SPIN3: variants seen among roughly 807,000 people sequenced by gnomAD.
SPIN3 encodes the protein spindlin-3.
For missense variants in SPIN3, 176 were observed against 196.4 expected, an observed-to-expected ratio of 0.90 and a Z score of 0.62; for synonymous variants, 74 against 74.3, an observed-to-expected ratio of 1.00 and a Z score of 0.02.
chrX:56,979,773 A>AT (rs910991949), intron 3 of SPIN3: 9 of 111,593 alleles, frequency 8.1e-5, no homozygotes, highest in African/African-American at 2.9e-4. Context: ...ATTAAAAAGG[A>AT]TTTTTTCCTG....
intron 2 of SPIN3, among the ~76,000 whole-genome samples, chrX:56,985,677 A>G (rs1924209490): frequency 8.9e-6 from 1 of 112,362 alleles, no homozygotes; most frequent in South Asian, 3.7e-4. Context: ...CCAACTTGTG[A>G]CAGGCTCCCC....
At chrX:56,975,215 G>A (rs1196657023), downstream of SPIN3, 1 of 112,230 alleles carries the variant, frequency 8.9e-6, no homozygotes, top group African/African-American at 3.2e-5. Flanking sequence ...CAAGGCGGTT[G>A]GGGTGCAGCT....
intron 3 of SPIN3, chrX:56,978,896 G>C (rs1173997912): frequency 9.0e-6 from 1 of 111,614 alleles, no homozygotes; most frequent in Non-Finnish European, 1.9e-5. Flanking sequence ...CTTGCAATAA[G>C]TTTGTCTCCC....
intron 3 of SPIN3, among the ~76,000 whole-genome samples, chrX:56,981,360 CAA>C (rs34960496): frequency 5.1e-5 from 2 of 39,202 alleles, no homozygotes. Flanking sequence ...GACTCCATCT[CAA>C]AAAAAAAAAA....
chrX:56,994,368 C>A lies in SPIN3; in HGVS notation c.580G>T (p.Asp194Tyr). The A allele has an allele frequency of 8.3e-7, 1 of 1,211,661 alleles. No homozygotes were observed. The highest frequency in any genetic ancestry group is 1.1e-6 in the Non-Finnish European group (1 of 895,479). ...GDLRILQDSN[D>Y]SPLAEREPGE... ...GGCTCCCTCTCTGCCAGAGGAGAAT[C>A]ATTGGAATCTTGAAGGATGCGGAGG... The change falls in exon 2 of 2, where the codon GAT (aspartate) becomes TAT (tyrosine). Residue 194 changes from aspartate to tyrosine, a missense_variant. Transcript: ENST00000374919.
At chrX:56,989,000 G>A (rs1458050109), downstream of SPIN3, among the ~76,000 whole-genome samples, 1 of 111,852 alleles carries the variant, frequency 8.9e-6, no homozygotes, top group East Asian at 2.8e-4. Flanking sequence ...GACCAAAGGA[G>A]TCACTCAACT....
downstream of SPIN3, among the ~76,000 whole-genome samples, chrX:56,989,672 G>T (rs1424191676): frequency 9.0e-6 from 1 of 111,348 alleles, no homozygotes; most frequent in Non-Finnish European, 1.9e-5. Flanking sequence ...CCTCCTGTCA[G>T]ATCAGCAGTG....
chrX:56,989,258 G>A (rs766041998), downstream of SPIN3, among the ~76,000 whole-genome samples: 2 of 111,084 alleles, frequency 1.8e-5, no homozygotes, highest in Non-Finnish European at 3.8e-5. Flanking sequence ...TGAACTTAAC[G>A]CTAAATGCAG....
Position 56,991,287 on chromosome X carries a change from C to T in SPIN3, c.*2884G>A, listed in dbSNP as rs1453030126. 8.9e-6 allele frequency: 1 copy of T among 111,733 alleles called. No individual in the cohort carries two copies. Among genetic ancestry groups the T allele is most frequent in the African/African-American group, 3.2e-5 (1 of 30,773 alleles). 9.2% of individuals were successfully genotyped at this position (111,733 alleles called of 1,213,427 possible). On this transcript the variant is annotated 3_prime_UTR_variant, in exon 2 of 2. Coordinates refer to ENST00000374919, the MANE Select transcript of SPIN3 (RefSeq NM_001010862.3). ...TAAGTCTAACGACTTTGGGATTCCC[C>T]CACCCCAAGGAGAGATAGTTGGGTC...
At chrX:56,987,377 G>C (rs1028081616), downstream of SPIN3, among the ~76,000 whole-genome samples, 1 of 109,271 alleles carries the variant, frequency 9.2e-6, no homozygotes, top group Non-Finnish European at 1.9e-5. Context: ...GCATGGGCTG[G>C]CTTCTTTAGT....
chrX:56,993,925 C>A lies in SPIN3; in HGVS notation c.*246G>T. ...ACCCAAGATAAAAAAAAGTATGAGC[C>A]AATGGATGTCAGACTTTACCCTTCT... On this transcript the variant is annotated 3_prime_UTR_variant, in exon 2 of 2. Transcript: ENST00000374919. The A allele has an allele frequency of 3.0e-6, 1 of 329,341 alleles. No homozygotes were observed. The highest frequency in any genetic ancestry group is 5.2e-6 in the Non-Finnish European group (1 of 191,570). The allele number at this position is 329,341 out of a possible 1,213,427, so 27.1% of individuals were successfully genotyped here.
At chrX:56,989,231 A>C (rs1033992502), downstream of SPIN3, among the ~76,000 whole-genome samples, 3 of 111,569 alleles carry the variant, frequency 2.7e-5, no homozygotes, top group Non-Finnish European at 5.6e-5. Context: ...AGATGGCTGC[A>C]TATCAACTAG....
downstream of SPIN3, among the ~76,000 whole-genome samples, chrX:56,988,191 A>G (rs758726609): frequency 2.7e-5 from 3 of 111,476 alleles, no homozygotes; most frequent in Non-Finnish European, 1.9e-5. Context: ...TTAGGCCAAG[A>G]TCAAGCATAA....
chrX:56,982,129 G>T (rs1417677197), intron 3 of SPIN3: 1 of 111,494 alleles, frequency 9.0e-6, no homozygotes, highest in Non-Finnish European at 1.9e-5. Flanking sequence ...GGGTAAATGG[G>T]CTCACCCTGG....
exon 6 of SPIN3, chrX:56,976,704 AATTT>A (rs1260600851): frequency 4.5e-5 from 5 of 111,791 alleles, no homozygotes; most frequent in Non-Finnish European, 9.4e-5. Context: ...CTGCCACTGA[AATTT>A]ATGCTCTAAA....
At chrX:56,983,093 A>G (rs1196231654) in intron 3 of SPIN3, among the ~76,000 whole-genome samples, 3 of 112,262 alleles carry the variant, frequency 2.7e-5, no homozygotes, top group African/African-American at 6.5e-5. Flanking sequence ...CATGCAGTTT[A>G]GTGGCCCCAT....
chrX:56,992,089 C>T lies in SPIN3; in HGVS notation c.*2082G>A. On this transcript the variant is annotated 3_prime_UTR_variant, in exon 2 of 2. Coordinates refer to ENST00000374919, the MANE Select transcript of SPIN3 (RefSeq NM_001010862.3). ...AAATAATTAAAGTCCAAAATTCTGC[C>T]TTTCCCAATTTCTCGTTTTTCTCAT... 3.4e-6 allele frequency: 1 copy of T among 297,408 alleles called. No homozygotes were observed. The highest frequency in any genetic ancestry group is 5.9e-6 in the Non-Finnish European group (1 of 170,307). The allele number at this position is 297,408 out of a possible 1,213,427, so 24.5% of individuals were successfully genotyped here. A position where few individuals can be genotyped will look rare whatever the true frequency, so the allele number is the denominator to read the frequency against.
At position 56,993,800 on chromosome X, in the gene SPIN3, T is replaced by G. The variant is rs1023110711; in HGVS notation, c.*371A>C. ...AAAGACACTTACCCAGCCAGTCACA[T>G]GGGATATCTCAGCAAGCTTCACACC... On this transcript the variant is annotated 3_prime_UTR_variant, in exon 2 of 2. Transcript: ENST00000374919. The G allele has an allele frequency of 8.0e-6, 1 of 125,405 alleles. No homozygotes were observed. Among genetic ancestry groups the G allele is most frequent in the African/African-American group, 3.2e-5 (1 of 31,155 alleles). The allele number at this position is 125,405 out of a possible 1,213,427, so 10.3% of individuals were successfully genotyped here.
chrX:56,989,543 C>T (rs776914237), downstream of SPIN3, among the ~76,000 whole-genome samples: 1 of 111,479 alleles, frequency 9.0e-6, no homozygotes, highest in East Asian at 2.8e-4. Flanking sequence ...AAATACTGGT[C>T]CATGGCCTGC....
Sources: allele counts gnomAD v4.1 joint callset (sites outside exome capture counted in the v4.1 genomes callset), GRCh38; gene constraint gnomAD v4.1.1; transcripts MANE v1.5; gene names NCBI Gene and HGNC (gene_info 2026-07-23, HGNC 2026-07-21).